The following PCDH11X variants were observed in gnomAD, a reference collection of about 807,000 sequenced individuals.
The protein encoded by PCDH11X is protocadherin 11 X-linked, also known as protocadherin-11 X-linked.
PCDH11X carries 18 observed loss-of-function variants against 53.3 expected under a neutral mutation model. The observed-to-expected ratio is 0.34, with a 90% CI of 0.23 to 0.50. The LOEUF (loss-of-function observed/expected upper bound fraction) is 0.50. Among genes scored for constraint, PCDH11X ranks in the 20% least tolerant of loss-of-function variants. PCDH11X has a pLI of 0.98. For missense variants in PCDH11X, 570 were observed against 1,032.4 expected, an observed-to-expected ratio of 0.55 and a Z score of 6.14; for synonymous variants, 279 against 393.3, an observed-to-expected ratio of 0.71 and a Z score of 3.44.
At chrX:92,617,494 C>G (rs1300121906) in intron 10 of PCDH11X, among the ~76,000 whole-genome samples, 1 of 110,982 alleles carries the variant, frequency 9.0e-6, no homozygotes, top group Non-Finnish European at 1.9e-5. Context: ...TTTCTTTATA[C>G]TGGATAGCAT....
At chrX:92,326,894 T>C (rs1285148742) in intron 8 of PCDH11X, among the ~76,000 whole-genome samples, 1 of 107,845 alleles carries the variant, frequency 9.3e-6, no homozygotes, top group Non-Finnish European at 1.9e-5. Context: ...CAAAACTTCA[T>C]CTCATAATTT....
At chrX:91,840,369 T>C (rs950479324) in intron 5 of PCDH11X, among the ~76,000 whole-genome samples, 1 of 111,504 alleles carries the variant, frequency 9.0e-6, no homozygotes, top group Non-Finnish European at 1.9e-5. Context: ...GATCAACTTT[T>C]TCTCAGGTTA....
intron 10 of PCDH11X, among the ~76,000 whole-genome samples, chrX:92,597,208 TA>T (rs1170342667): frequency 3.4e-4 from 38 of 110,864 alleles, no homozygotes; most frequent in African/African-American, 1.2e-3. Flanking sequence ...ATACATAAAG[TA>T]CATTTAAATT....
intron 6 of PCDH11X, among the ~76,000 whole-genome samples, chrX:91,927,535 G>T (rs1305722725): frequency 3.6e-5 from 4 of 110,826 alleles, no homozygotes; most frequent in East Asian, 2.9e-4. Flanking sequence ...TTTTAAAGGA[G>T]ATTTTAAAAA....
chrX:92,193,120 A>G (rs991113035), intron 6 of PCDH11X, among the ~76,000 whole-genome samples: 8 of 111,747 alleles, frequency 7.2e-5, no homozygotes, highest in African/African-American at 2.6e-4. Flanking sequence ...AGTCTTCTGT[A>G]TGTAATTAAA....
intron 1 of PCDH11X, among the ~76,000 whole-genome samples, chrX:91,794,942 G>A (rs1439905104): frequency 2.8e-5 from 3 of 109,058 alleles, no homozygotes; most frequent in Non-Finnish European, 5.7e-5. Flanking sequence ...AAAAATGGGA[G>A]TTTCTCTGCA....
intron 4 of PCDH11X, among the ~76,000 whole-genome samples, chrX:91,812,883 A>C (rs1336797849): frequency 2.7e-5 from 3 of 111,892 alleles, no homozygotes. Flanking sequence ...TTCCATATTT[A>C]GGAACAACTT....
intron 9 of PCDH11X, among the ~76,000 whole-genome samples, chrX:92,446,435 C>T (rs1465460262): frequency 9.0e-6 from 1 of 110,948 alleles, no homozygotes; most frequent in Non-Finnish European, 1.9e-5. Context: ...TGGGAGGTGA[C>T]TGAATTATGG....
chrX:92,230,907 A>G (rs12009744), intron 7 of PCDH11X, among the ~76,000 whole-genome samples: 1,268 of 110,641 alleles, frequency 0.011, 14 homozygotes, highest in African/African-American at 0.032. Context: ...GGCAGTGCAG[A>G]CAGGACTGGA....
chrX:92,613,358 A>T (rs1180517433), intron 10 of PCDH11X, among the ~76,000 whole-genome samples: 1 of 110,645 alleles, frequency 9.0e-6, no homozygotes, highest in Admixed American at 9.6e-5. Context: ...TATGGAACAT[A>T]GTTTGGTGGG....
chrX:92,271,295 T>C, intron 8 of PCDH11X, among the ~76,000 whole-genome samples: 1 of 112,329 alleles, frequency 8.9e-6, no homozygotes, highest in Middle Eastern at 4.6e-3. Flanking sequence ...TCTAAAGAAA[T>C]CTTTGTGTCA....
In PCDH11X at chrX:91,820,829, C is replaced by A. The variant is rs1251705743; in HGVS notation, c.-45+9534C>A. ...AGGTCTAACGTTTAAGTCTTTAATC[C>A]ATCTTGAATTGATTTTTATATAAGG... On this transcript the variant is annotated intron_variant, in intron 4 of 10. Coordinates refer to ENST00000682573, the MANE Select transcript of PCDH11X (RefSeq NM_032968.5). Among the ~76,000 whole-genome samples, 2 of 101,307 alleles carry A rather than the reference C, an allele frequency of 2.0e-5. 1 individual carries two copies. The highest frequency in any genetic ancestry group is 9.2e-5 in the African/African-American group (2 of 21,821). The allele number at this position is 101,307 out of a possible 115,157, so 88.0% of individuals were successfully genotyped here. A position where few individuals can be genotyped will look rare whatever the true frequency, so the allele number is the denominator to read the frequency against.
Position 91,906,034 on chromosome X carries a change from C to T in PCDH11X, c.3033+26761C>T, listed in dbSNP as rs760397839. Among the ~76,000 whole-genome samples, 7 of 110,551 alleles carry T rather than the reference C, an allele frequency of 6.3e-5. 1 individual carries two copies. In the Middle Eastern group the frequency reaches 0.023, roughly 367 times the overall value. On this transcript the variant is annotated intron_variant, in intron 6 of 10. Coordinates refer to ENST00000682573, the MANE Select transcript of PCDH11X (RefSeq NM_032968.5). ...TGTAGAAGCATCATGGAGGTTATGGCTTTCTATGTACATATAAGATCTTTA... is the reference window on the plus strand; with the variant it reads ...TGTAGAAGCATCATGGAGGTTATGGTTTTCTATGTACATATAAGATCTTTA...
chrX:91,830,468 G>A (rs1192620923), intron 4 of PCDH11X, among the ~76,000 whole-genome samples: 1 of 110,669 alleles, frequency 9.0e-6, no homozygotes, highest in East Asian at 2.9e-4. Flanking sequence ...CATAAAATTG[G>A]ACAGCCAATG....
rs749995995 is a variant in PCDH11X at position 92,395,961 on chromosome X, G to T, written c.3343+8028G>T. ...TGAGGCCCTTTTTTTTTTTAAAAAAGGTTCCCATTTTAAAAATGCCCTGGA... is the reference window on the plus strand; with the variant it reads ...TGAGGCCCTTTTTTTTTTTAAAAAATGTTCCCATTTTAAAAATGCCCTGGA... On this transcript the variant is annotated intron_variant, in intron 9 of 10. Transcript: ENST00000682573. Among the ~76,000 whole-genome samples the T allele has an allele frequency of 4.6e-5, 5 of 108,947 alleles. No individual in the cohort carries two copies. In the South Asian group the frequency reaches 2.0e-3, roughly 43 times the overall value. The allele number at this position is 108,947 out of a possible 115,157, so 94.6% of individuals were successfully genotyped here.
chrX:92,274,536 A>G (rs1282057087), intron 8 of PCDH11X, among the ~76,000 whole-genome samples: 1 of 111,292 alleles, frequency 9.0e-6, no homozygotes, highest in Non-Finnish European at 1.9e-5. Flanking sequence ...TACCTAGACT[A>G]AGAGGTATTT....
intron 8 of PCDH11X, among the ~76,000 whole-genome samples, chrX:92,267,114 T>C (rs1308267981): frequency 8.9e-6 from 1 of 112,138 alleles, no homozygotes; most frequent in Non-Finnish European, 1.9e-5. Flanking sequence ...AATTTCCTCG[T>C]ATGAATACAA....
At chrX:92,195,360 G>T (rs1314041591) in intron 6 of PCDH11X, among the ~76,000 whole-genome samples, 1 of 111,282 alleles carries the variant, frequency 9.0e-6, no homozygotes, top group African/African-American at 3.3e-5. Context: ...GTGATTTGTT[G>T]CTCTTGACGA....
intron 8 of PCDH11X, among the ~76,000 whole-genome samples, chrX:92,309,523 T>A (rs759120458): frequency 7.3e-4 from 82 of 111,587 alleles, no homozygotes; most frequent in Non-Finnish European, 1.3e-3. Context: ...GGAATTATTG[T>A]TTAATGGCTT....
Sources: gnomAD v4.1 joint callset for allele counts (sites outside exome capture counted in the v4.1 genomes callset) on GRCh38, gnomAD v4.1.1 for gene constraint, MANE v1.5 for transcripts, NCBI Gene and HGNC (gene_info 2026-07-23, HGNC 2026-07-21) for gene names.